Variants in SERPINC1 observed in about 807,000 individuals in gnomAD.
The protein encoded by SERPINC1 is serpin family C member 1, also known as antithrombin-III.
SERPINC1 carries 12 observed loss-of-function variants against 43.4 expected under a neutral mutation model. The observed-to-expected ratio is 0.28, with a 90% CI of 0.18 to 0.45. The LOEUF (loss-of-function observed/expected upper bound fraction) is 0.45. SERPINC1 is among the 20% of genes least tolerant of loss of function. The pLI is 1.00. For missense variants in SERPINC1, 423 were observed against 578.8 expected (o/e 0.73, Z 2.76); for synonymous variants, 210 against 218.9 (o/e 0.96, Z 0.36).
chr1:173,907,661 CAATG>C (rs1028807792), intron 5 of SERPINC1, 147 bp from the exon 6 acceptor site: 42 of 735,020 alleles, frequency 5.7e-5, no homozygotes, highest in African/African-American at 5.4e-4. Context: ...CATACTCTCA[CAATG>C]AATATGTGTT....
At chr1:173,908,190 A>G (rs1179332341) in intron 5 of SERPINC1, among the ~76,000 whole-genome samples, 1 of 151,704 alleles carries the variant, frequency 6.6e-6, no homozygotes, top group Non-Finnish European at 1.5e-5. Flanking sequence ...TAGTTTTCAA[A>G]ACTAGCTTAA....
chr1:173,912,282 C>T (rs2227604), intron 2 of SERPINC1, among the ~76,000 whole-genome samples: 181 of 152,324 alleles, frequency 1.2e-3, no homozygotes, highest in African/African-American at 4.1e-3. Flanking sequence ...AACACACAGA[C>T]GTTTTCTTGC....
intron 1 of SERPINC1, 130 bp downstream of exon 1, chr1:173,917,089 C>T (rs939261679): frequency 2.5e-6 from 2 of 806,062 alleles, no homozygotes; most frequent in South Asian, 2.9e-5. Flanking sequence ...GTCTTCCAAA[C>T]AGGTCTTTGA....
intron 2 of SERPINC1, among the ~76,000 whole-genome samples, 154 bp downstream of exon 2, chr1:173,914,399 A>G (rs1657899025): frequency 1.3e-5 from 2 of 152,196 alleles, no homozygotes; most frequent in South Asian, 2.1e-4. Context: ...TTTCAAAGGG[A>G]ATTATAACAC....
Position 173,903,855 on chromosome 1 carries a change from A to G in SERPINC1, c.*34T>C, listed in dbSNP as rs377120264. 1.2e-6 allele frequency: 2 copies of G among 1,600,734 alleles called. No homozygotes were observed. Among genetic ancestry groups the G allele is most frequent in the African/African-American group, 2.7e-5 (2 of 74,666 alleles). ...TTATTTTTACTTCTGTTCACAAACC[A>G]AAAATAGGAAGAGGTGCAAAGAATA... On this transcript the variant is annotated 3_prime_UTR_variant, in exon 7 of 7. Transcript: ENST00000367698.
In SERPINC1 at chr1:173,912,001, T is replaced by C; in HGVS notation, c.422A>G (p.Asp141Gly). 6.2e-7 allele frequency: 1 copy of C among 1,613,824 alleles called. No homozygotes were observed. The highest frequency in any genetic ancestry group is 1.1e-5 in the South Asian group (1 of 91,078). ...LQQLMEVFKF[D>G]TISEKTSDQI... is the part of the protein sequence containing the mutation. The stretch of plus-strand genomic sequence containing the variant: ...ATCAGATGTTTTCTCAGATATGGTG[T>C]CAAACTTAAATACCTATAGAAGTCA... The change falls in exon 3 of 7, where the codon GAC (aspartate) becomes GGC (glycine). Residue 141 changes from aspartate (D) to glycine (G), a missense_variant. Physicochemically the swap from Asp to Gly is moderately conservative, Grantham distance 94. Coordinates refer to ENST00000367698, the MANE Select transcript of SERPINC1 (RefSeq NM_000488.4).
chr1:173,912,361 C>CA (rs1392157481), intron 2 of SERPINC1, among the ~76,000 whole-genome samples: 3 of 152,140 alleles, frequency 2.0e-5, no homozygotes, highest in African/African-American at 7.2e-5. Flanking sequence ...CTTCTCGTAA[C>CA]AAACACTTTT....
intron 6 of SERPINC1, among the ~76,000 whole-genome samples, chr1:173,905,064 C>G (rs1317500362): frequency 6.6e-6 from 1 of 152,138 alleles, no homozygotes; most frequent in Non-Finnish European, 1.5e-5. Flanking sequence ...CTGCTTCTTC[C>G]TAATAGTAAC....
At chr1:173,915,019 T>C (rs1015552288) in intron 1 of SERPINC1, 100 bp from the exon 2 acceptor site, 4 of 1,544,130 alleles carry the variant, frequency 2.6e-6, no homozygotes, top group Non-Finnish European at 3.5e-6. Context: ...CCAGCCCACC[T>C]GGTGTGGCCA....
rs1257589742 is a variant in SERPINC1 at position 173,914,793 on chromosome 1, G to T, written c.168C>A (p.Arg56=). 1 of 1,614,006 alleles carries T rather than the reference G, an allele frequency of 6.2e-7. No homozygotes were observed. The highest frequency in any genetic ancestry group is 8.5e-7 in the Non-Finnish European group (1 of 1,179,952). Residue 56 remains arginine, a synonymous_variant, in exon 2 of 7, where the codon CGC becomes CGA. Coordinates refer to ENST00000367698, the MANE Select transcript of SERPINC1 (RefSeq NM_000488.4). ...DIPMNPMCIY[R]SPEKKATEDE... is the part of the protein sequence containing the mutation. ...CCTCAGTTGCCTTCTTCTCCGGGGAGCGGTAAATGCACATGGGATTCATGG... is the reference window on the plus strand; with the variant it reads ...CCTCAGTTGCCTTCTTCTCCGGGGATCGGTAAATGCACATGGGATTCATGG...
At position 173,917,294 on chromosome 1, in the gene SERPINC1, G is replaced by A. The variant is rs200460215; in HGVS notation, c.-35C>T. The A allele has an allele frequency of 2.3e-5, 37 of 1,604,884 alleles. No individual in the cohort carries two copies. In the East Asian group the frequency reaches 7.8e-4, roughly 34 times the overall value. ...TCTTCCACAGGGCTGGGCAAGTGGA[G>A]ATAGTGTGATCTGAGGCAATCCGCC... On this transcript the variant is annotated 5_prime_UTR_variant, in exon 1 of 7. Transcript: ENST00000367698.
At chr1:173,910,568 G>A (rs777681586) in intron 4 of SERPINC1, among the ~76,000 whole-genome samples, 186 bp downstream of exon 4, 2 of 152,088 alleles carry the variant, frequency 1.3e-5, no homozygotes, top group African/African-American at 2.4e-5. Flanking sequence ...GCGACAGAGC[G>A]AGACTCTGTC....
chr1:173,914,060 A>G (rs2102788789), intron 2 of SERPINC1, among the ~76,000 whole-genome samples: 1 of 149,186 alleles, frequency 6.7e-6, no homozygotes, highest in African/African-American at 2.5e-5. Flanking sequence ...CCTGGGCAAT[A>G]GAGCGAGATT....
In SERPINC1 at chr1:173,910,771, T is replaced by C. The variant is rs1171952099; in HGVS notation, c.745A>G (p.Asn249Asp). Residue 249 changes from asparagine (N) to aspartate (D), a missense_variant, in exon 4 of 7, where the codon AAC (asparagine) becomes GAC (aspartate). By Grantham distance (23) the Asn-to-Asp change is conservative (BLOSUM62 1). Transcript: ENST00000367698. ...CTGAGTACCTTGAAGTAAATGGTGT[T>C]AACCAGCACCAGAACAGTGAGCTCA... ...INELTVLVLV[N>D]TIYFKGLWKS... 1 of 1,613,980 alleles carries C rather than the reference T, an allele frequency of 6.2e-7. No individual in the cohort carries two copies. Among genetic ancestry groups the C allele is most frequent in the African/African-American group, 1.3e-5 (1 of 74,890 alleles).
At chr1:173,916,408 T>A (rs1441404186) in intron 1 of SERPINC1, among the ~76,000 whole-genome samples, 1 of 152,166 alleles carries the variant, frequency 6.6e-6, no homozygotes, top group Non-Finnish European at 1.5e-5. Flanking sequence ...GGGACTTGCC[T>A]TCTTGCGTGG....
In SERPINC1 at chr1:173,909,764, A is replaced by T. The variant is rs765632646; in HGVS notation, c.941T>A (p.Val314Asp). The part of the protein sequence containing the change: ...LPFKGDDITM[V>D]LILPKPEKSL... Reference sequence around the variant, plus strand: ...CTTCTCAGGCTTGGGCAAGATGAGGACCATGGTGATGTCATCACCTTTGAA... The same window carrying T: ...CTTCTCAGGCTTGGGCAAGATGAGGTCCATGGTGATGTCATCACCTTTGAA... Residue 314 changes from valine to aspartate, a missense_variant, in exon 5 of 7, where the codon GTC (valine) becomes GAC (aspartate). By Grantham distance (152) the Val-to-Asp change is radical (BLOSUM62 -3). Coordinates refer to ENST00000367698, the MANE Select transcript of SERPINC1 (RefSeq NM_000488.4). 1 of 1,614,116 alleles carries T rather than the reference A, an allele frequency of 6.2e-7. No individual in the cohort carries two copies. The highest frequency in any genetic ancestry group is 1.7e-5 in the Admixed American group (1 of 60,012).
rs1657666180 is a variant in SERPINC1 at position 173,909,417 on chromosome 1, A to G, written c.1153+135T>C. ...CTCAAAAGGAAAAGAGATTTCCACA[A>G]ATTAGCAGTAGAAACTAGGATCAGT... is the stretch of plus-strand genomic sequence containing the variant. On this transcript the variant is annotated intron_variant, in intron 5 of 6. Coordinates refer to ENST00000367698, the MANE Select transcript of SERPINC1 (RefSeq NM_000488.4). The G allele has an allele frequency of 5.6e-6, 5 of 892,752 alleles. No individual in the cohort carries two copies. The East Asian group carries it at 7.5e-5, about 13-fold the overall frequency. The allele number at this position is 892,752 out of a possible 1,614,324, so 55.3% of individuals were successfully genotyped here.
chr1:173,911,147 C>T (rs1334074511), intron 3 of SERPINC1, among the ~76,000 whole-genome samples: 1 of 151,942 alleles, frequency 6.6e-6, no homozygotes, highest in Non-Finnish European at 1.5e-5. Context: ...AGAAGGAAGG[C>T]GAAAATAGTC....
Position 173,910,869 on chromosome 1 carries a change from G to A in SERPINC1, c.647C>T (p.Ala216Val), listed in dbSNP as rs750413071. 2.3e-5 allele frequency: 37 copies of A among 1,613,946 alleles called. No individual in the cohort carries two copies. Among genetic ancestry groups the A allele is most frequent in the East Asian group, 1.6e-4 (7 of 44,890 alleles). The change falls in exon 4 of 7, where the codon GCG becomes GTG. Residue 216 changes from alanine to valine, a missense_variant. Physicochemically the swap from Ala to Val is moderately conservative, Grantham distance 64. Transcript: ENST00000367698. ...DFKENAEQSR[A>V]AINKWVSNKT... ...ATTGGACACCCATTTGTTGATGGCC[G>A]CTCTGGATTGCTCTGCATTTTCCTG...
Sources: allele counts gnomAD v4.1 joint callset (sites outside exome capture counted in the v4.1 genomes callset), GRCh38; gene constraint gnomAD v4.1.1; transcripts MANE v1.5; gene names NCBI Gene and HGNC (gene_info 2026-07-23, HGNC 2026-07-21).